Variants in COL10A1 observed in about 807,000 individuals in gnomAD.
The protein encoded by COL10A1 is collagen type X alpha 1 chain.
Under a neutral mutation model 18.2 loss-of-function variants are expected in COL10A1, and 10 were observed. The ratio of observed to expected loss-of-function variants is 0.55; its 90% CI spans 0.34 to 0.93. COL10A1 has a LOEUF of 0.93. Ranked by LOEUF, COL10A1 falls within the 40% of genes least tolerant of loss-of-function variation. The probability of loss-of-function intolerance (pLI) is 0.02; values close to 1 mark genes in which losing one functional copy is unlikely to be tolerated. For missense variants in COL10A1, 897 were observed against 853.5 expected (o/e 1.05, Z -0.64); for synonymous variants, 330 against 316.6 (o/e 1.04, Z -0.45).
upstream of COL10A1, among the ~76,000 whole-genome samples, chr6:116,130,398 G>A (rs1466926146): frequency 6.6e-6 from 1 of 152,084 alleles, no homozygotes; most frequent in East Asian, 1.9e-4. Context: ...GCCAGTGAGA[G>A]CCTCTCCTCT....
the COL10A1 span, among the ~76,000 whole-genome samples, chr6:116,198,533 T>C: frequency 3.3e-4 from 50 of 151,918 alleles, no homozygotes; most frequent in Non-Finnish European, 4.4e-5. Context: ...AGTTCAAGAC[T>C]AGCCTGGACA....
intron 1 of COL10A1, among the ~76,000 whole-genome samples, chr6:116,155,537 T>C (rs1009967385): frequency 1.3e-4 from 20 of 152,186 alleles, no homozygotes; most frequent in African/African-American, 4.3e-4. Flanking sequence ...GCAAACAATC[T>C]AAACAATTTA....
At chr6:116,189,561 A>G in the COL10A1 span, among the ~76,000 whole-genome samples, 1 of 151,962 alleles carries the variant, frequency 6.6e-6, no homozygotes, top group African/African-American at 2.4e-5. Context: ...GATGACATTG[A>G]GTTGTGCTTG....
At chr6:116,124,235 ATTTAAACTTT>A (rs1779225009) in intron 2 of COL10A1, among the ~76,000 whole-genome samples, 9 of 152,134 alleles carry the variant, frequency 5.9e-5, no homozygotes, top group African/African-American at 1.9e-4. Context: ...AAAGCATAAT[ATTTAAACTTT>A]ATAACAAATA....
chr6:116,168,083 CTTTT>C, the COL10A1 span, among the ~76,000 whole-genome samples: 1 of 119,024 alleles, frequency 8.4e-6, no homozygotes, highest in Admixed American at 8.4e-5. Flanking sequence ...TACCTGGTGT[CTTTT>C]TTTTTTTTTT....
At chr6:116,156,419 C>G (rs1780194930) in intron 1 of COL10A1, among the ~76,000 whole-genome samples, 1 of 152,082 alleles carries the variant, frequency 6.6e-6, no homozygotes, top group South Asian at 2.1e-4. Flanking sequence ...AAAATGTGTT[C>G]CATTATCTTT....
the COL10A1 span, among the ~76,000 whole-genome samples, chr6:116,190,640 C>T: frequency 6.6e-6 from 1 of 152,018 alleles, no homozygotes; most frequent in Non-Finnish European, 1.5e-5. Flanking sequence ...TTACACAACT[C>T]TGCTTTATTG....
At chr6:116,215,758 G>A in the COL10A1 span, among the ~76,000 whole-genome samples, 7 of 152,222 alleles carry the variant, frequency 4.6e-5, no homozygotes, top group Admixed American at 4.6e-4. Context: ...GAGTTGACTA[G>A]GCCAAGTGCA....
At chr6:116,158,120 TTAATA>T (rs1331442355) in intron 1 of COL10A1, among the ~76,000 whole-genome samples, 1 of 152,238 alleles carries the variant, frequency 6.6e-6, no homozygotes, top group East Asian at 1.9e-4. Flanking sequence ...TCAATAGCTA[TTAATA>T]TAATGAGTTC....
At chr6:116,162,022 A>G (rs1044416437), upstream of COL10A1, among the ~76,000 whole-genome samples, 14 of 152,048 alleles carry the variant, frequency 9.2e-5, no homozygotes, top group Non-Finnish European at 7.4e-5. Context: ...TAGATAGTCT[A>G]TGTTTTTTTA....
intron 1 of COL10A1, among the ~76,000 whole-genome samples, chr6:116,151,712 T>A (rs1012427418): frequency 6.6e-6 from 1 of 152,200 alleles, no homozygotes; most frequent in Non-Finnish European, 1.5e-5. Context: ...CCACTTATAA[T>A]GGGAATTAAG....
At chr6:116,203,451 A>G in the COL10A1 span, among the ~76,000 whole-genome samples, 4 of 151,882 alleles carry the variant, frequency 2.6e-5, no homozygotes, top group African/African-American at 9.6e-5. Flanking sequence ...TTTTTATTTT[A>G]TATATGTAAT....
At chr6:116,159,833 G>C (rs2114423082), upstream of COL10A1, among the ~76,000 whole-genome samples, 1 of 151,938 alleles carries the variant, frequency 6.6e-6, no homozygotes, top group South Asian at 2.1e-4. Flanking sequence ...TTATGTCCAT[G>C]TGTACTTCAC....
chr6:116,178,137 A>T, the COL10A1 span, among the ~76,000 whole-genome samples: 1 of 137,498 alleles, frequency 7.3e-6, no homozygotes, highest in Admixed American at 7.4e-5. Flanking sequence ...GTGTGTGTTT[A>T]CTAGTGGGAC....
chr6:116,207,007 A>G, the COL10A1 span, among the ~76,000 whole-genome samples: 2 of 150,900 alleles, frequency 1.3e-5, no homozygotes, highest in Non-Finnish European at 2.9e-5. Context: ...CTTTCCTTTT[A>G]AAAATAAATA....
At chr6:116,184,514 C>A in the COL10A1 span, among the ~76,000 whole-genome samples, 2 of 152,004 alleles carry the variant, frequency 1.3e-5, no homozygotes, top group Non-Finnish European at 2.9e-5. Flanking sequence ...TCCGTCTGAT[C>A]CTGGCCTTTT....
the COL10A1 span, among the ~76,000 whole-genome samples, chr6:116,190,684 G>A: frequency 2.4e-4 from 36 of 152,036 alleles, 1 homozygote; most frequent in Non-Finnish European, 1.2e-4. Flanking sequence ...AAAGACTTCA[G>A]ACCTGCAAAG....
chr6:116,178,857 T>G, the COL10A1 span, among the ~76,000 whole-genome samples: 1 of 152,330 alleles, frequency 6.6e-6, no homozygotes, highest in African/African-American at 2.4e-5. Flanking sequence ...AGTGTTTGCC[T>G]TATAAAAATC....
At chr6:116,123,241 TC>T (rs1304155845) in intron 2 of COL10A1, among the ~76,000 whole-genome samples, 1 of 152,226 alleles carries the variant, frequency 6.6e-6, no homozygotes, top group Admixed American at 6.5e-5. Flanking sequence ...TTGGGCGTCA[TC>T]CGAGACTGGA....
Sources: gnomAD v4.1 joint callset for allele counts (sites outside exome capture counted in the v4.1 genomes callset) on GRCh38, gnomAD v4.1.1 for gene constraint, MANE v1.5 for transcripts, NCBI Gene and HGNC (gene_info 2026-07-23, HGNC 2026-07-21) for gene names.